The following MIS18A variants were observed in gnomAD, a reference collection of about 807,000 sequenced individuals.
MIS18A encodes the protein MIS18 kinetochore protein A.
In MIS18A, 14 loss-of-function variants were observed where a neutral mutation model predicts 25.0. The ratio of observed to expected loss-of-function variants is 0.56; its 90% confidence interval spans 0.37 to 0.88. The LOEUF (loss-of-function observed/expected upper bound fraction) is 0.88, where lower values mean the gene tolerates loss of function less well. MIS18A is among the 40% of genes least tolerant of loss of function. MIS18A has a pLI of 0.00. For missense variants in MIS18A, 292 were observed against 290.8 expected (o/e 1.00, Z -0.03); for synonymous variants, 134 against 118.6 (o/e 1.13, Z -0.84).
chr21:32,236,020 A>G, the MIS18A span, among the ~76,000 whole-genome samples: 1 of 152,110 alleles, frequency 6.6e-6, no homozygotes, highest in African/African-American at 2.4e-5. Context: ...TTATTACTAA[A>G]TATAACCTGG....
the MIS18A span, among the ~76,000 whole-genome samples, chr21:32,236,023 T>C: frequency 6.6e-6 from 1 of 152,230 alleles, no homozygotes; most frequent in African/African-American, 2.4e-5. Context: ...TTACTAAATA[T>C]AACCTGGCCT....
the MIS18A span, among the ~76,000 whole-genome samples, chr21:32,236,296 C>T: frequency 6.6e-6 from 1 of 151,762 alleles, no homozygotes; most frequent in Admixed American, 6.6e-5. Flanking sequence ...GGCAGGAGAA[C>T]GGCGTGAACC....
chr21:32,226,528 A>G, the MIS18A span, among the ~76,000 whole-genome samples: 1 of 152,208 alleles, frequency 6.6e-6, no homozygotes, highest in African/African-American at 2.4e-5. Flanking sequence ...AAAAGTATCA[A>G]TCTATCAGAA....
At chr21:32,232,309 T>C in the MIS18A span, among the ~76,000 whole-genome samples, 1 of 151,826 alleles carries the variant, frequency 6.6e-6, no homozygotes, top group Non-Finnish European at 1.5e-5. Flanking sequence ...TATAAAGATA[T>C]ATCTATAGAT....
the MIS18A span, among the ~76,000 whole-genome samples, chr21:32,215,988 TAAG>T: frequency 6.6e-6 from 1 of 152,126 alleles, no homozygotes; most frequent in Non-Finnish European, 1.5e-5. Flanking sequence ...GCCATCACCA[TAAG>T]AAGATGTGGG....
the MIS18A span, among the ~76,000 whole-genome samples, chr21:32,214,126 C>CTG: frequency 1.6e-4 from 24 of 152,190 alleles, 1 homozygote; most frequent in Non-Finnish European, 7.4e-5. Flanking sequence ...GTGTTAAAGG[C>CTG]TGTGGTCCCT....
At chr21:32,257,771 G>T in the MIS18A span, among the ~76,000 whole-genome samples, 2 of 152,118 alleles carry the variant, frequency 1.3e-5, no homozygotes, top group Non-Finnish European at 2.9e-5. Flanking sequence ...ACACCCCAAG[G>T]CTCCAGGACT....
At chr21:32,278,384 C>A in intron 1 of MIS18A, 2 of 430,618 alleles carry the variant, frequency 4.6e-6, no homozygotes, top group Non-Finnish European at 8.2e-6. Flanking sequence ...TTTTTAGGGT[C>A]TTTAAAAGTG....
chr21:32,164,718 T>C, the MIS18A span, among the ~76,000 whole-genome samples: 1 of 151,946 alleles, frequency 6.6e-6, no homozygotes, highest in Non-Finnish European at 1.5e-5. Flanking sequence ...ACAGCTTTTC[T>C]AGGTTCTGCG....
the MIS18A span, among the ~76,000 whole-genome samples, chr21:32,210,692 TAACA>T: frequency 4.6e-5 from 7 of 152,216 alleles, no homozygotes; most frequent in Admixed American, 2.6e-4. Context: ...CTCGGGGCGT[TAACA>T]GTTTCATAAC....
chr21:32,265,431 A>G (rs375300540), downstream of MIS18A, among the ~76,000 whole-genome samples: 164 of 152,330 alleles, frequency 1.1e-3, 1 homozygote, highest in South Asian at 5.8e-3. Flanking sequence ...TGGAGCAGCC[A>G]GCCAGCCCTG....
the MIS18A span, chr21:32,197,787 A>G: frequency 6.6e-6 from 1 of 152,062 alleles, no homozygotes; most frequent in Non-Finnish European, 1.5e-5. Context: ...GAATTCTAGG[A>G]GGGCTCATTC....
chr21:32,195,993 C>G, the MIS18A span, among the ~76,000 whole-genome samples: 2 of 151,816 alleles, frequency 1.3e-5, no homozygotes, highest in South Asian at 4.2e-4. Context: ...GCACTCCAGC[C>G]TGGGCAACAG....
At chr21:32,192,683 T>A in the MIS18A span, among the ~76,000 whole-genome samples, 8 of 152,192 alleles carry the variant, frequency 5.3e-5, no homozygotes, top group African/African-American at 1.9e-4. Flanking sequence ...GGCAGGAATA[T>A]CAACGCTTCA....
chr21:32,265,531 G>A (rs1352790573), downstream of MIS18A, among the ~76,000 whole-genome samples: 1 of 152,256 alleles, frequency 6.6e-6, no homozygotes, highest in Non-Finnish European at 1.5e-5. Flanking sequence ...CACCGGCGCT[G>A]TGCTGGATTT....
chr21:32,157,788 T>G, the MIS18A span, among the ~76,000 whole-genome samples: 1 of 152,160 alleles, frequency 6.6e-6, no homozygotes, highest in South Asian at 2.1e-4. Context: ...GAAACTTAGA[T>G]TTTTTTGAGA....
At chr21:32,166,034 T>C in the MIS18A span, among the ~76,000 whole-genome samples, 19 of 152,024 alleles carry the variant, frequency 1.2e-4, no homozygotes, top group Non-Finnish European at 2.8e-4. Flanking sequence ...ACAAACCAGG[T>C]AGAGATGCTA....
chr21:32,248,083 C>G, the MIS18A span, among the ~76,000 whole-genome samples: 1 of 152,184 alleles, frequency 6.6e-6, no homozygotes, highest in Non-Finnish European at 1.5e-5. Context: ...CCCAGAACGG[C>G]TCTGGTCTTC....
the MIS18A span, among the ~76,000 whole-genome samples, chr21:32,162,809 T>A: frequency 1.3e-5 from 2 of 152,180 alleles, no homozygotes; most frequent in African/African-American, 4.8e-5. Flanking sequence ...GAAAGTGAAC[T>A]GAATGCTGCC....
Sources: gnomAD v4.1 joint callset for allele counts (sites outside exome capture counted in the v4.1 genomes callset) on GRCh38, gnomAD v4.1.1 for gene constraint, MANE v1.5 for transcripts, NCBI Gene and HGNC (gene_info 2026-07-23, HGNC 2026-07-21) for gene names.